The following ITSN2 variants were observed in gnomAD, a reference collection of about 807,000 sequenced individuals.
ITSN2 encodes the protein intersectin-2.
ITSN2 carries 156 observed loss-of-function variants against 243.7 expected under a neutral mutation model. That is an observed-to-expected ratio of 0.64 (90% CI 0.56 to 0.73). The LOEUF is 0.73. ITSN2 is among the 30% of genes least tolerant of loss of function. ITSN2 has a pLI of 0.00. For synonymous variants in ITSN2, 703 were observed against 699.9 expected (o/e 1.00, Z -0.07); for missense variants, 1,801 against 1,996.1 (o/e 0.90, Z 1.86).
chr2:24,305,945 T>C (rs991562348), intron 8 of ITSN2, among the ~76,000 whole-genome samples: 5 of 152,176 alleles, frequency 3.3e-5, no homozygotes, highest in Non-Finnish European at 5.9e-5. Context: ...GTTACAGTAC[T>C]TATACAAAGC....
In ITSN2 at chr2:24,205,219, G is replaced by A. The variant is rs1039290270; in HGVS notation, c.4757C>T (p.Pro1586Leu). ...TGAATCAAGGCAGTATTTACCATTT[G>A]GTTTGCAGGCTTTTAATTCTGTAGC... ...IEATELKACK[P>L]NGKSNPYCEI... Residue 1586 changes from proline (P) to leucine (L), a missense_variant, in exon 38 of 40, where the codon CCA becomes CTA. Physicochemically the swap from Pro to Leu is moderately conservative, Grantham distance 98. Coordinates refer to ENST00000355123, the MANE Select transcript of ITSN2 (RefSeq NM_006277.3). 1 of 1,613,364 alleles carries A rather than the reference G, an allele frequency of 6.2e-7. No individual in the cohort carries two copies. Among genetic ancestry groups the A allele is most frequent in the Non-Finnish European group, 8.5e-7 (1 of 1,179,398 alleles).
intron 23 of ITSN2, among the ~76,000 whole-genome samples, chr2:24,256,308 G>A (rs1675047027): frequency 6.6e-6 from 1 of 152,222 alleles, no homozygotes; most frequent in African/African-American, 2.4e-5. Flanking sequence ...CAGAAACACA[G>A]AAACTCAGCA....
At chr2:24,353,689 C>T (rs1174148425) in intron 1 of ITSN2, among the ~76,000 whole-genome samples, 1 of 152,176 alleles carries the variant, frequency 6.6e-6, no homozygotes, top group Non-Finnish European at 1.5e-5. Flanking sequence ...GTATTGGTAT[C>T]ACTCTTCAGA....
chr2:24,264,566 T>C (rs779325379), intron 20 of ITSN2, among the ~76,000 whole-genome samples: 9 of 148,662 alleles, frequency 6.1e-5, no homozygotes, highest in Non-Finnish European at 1.0e-4. Context: ...AATCTGTGTA[T>C]ATGTTGCAAG....
chr2:24,277,145 T>C (rs908119771), intron 17 of ITSN2, among the ~76,000 whole-genome samples: 3 of 151,648 alleles, frequency 2.0e-5, no homozygotes, highest in African/African-American at 7.3e-5. Flanking sequence ...ATTTGGAATC[T>C]ACAGAATCCT....
At chr2:24,219,137 T>G (rs899125648) in intron 30 of ITSN2, among the ~76,000 whole-genome samples, 3 of 152,220 alleles carry the variant, frequency 2.0e-5, no homozygotes, top group African/African-American at 7.2e-5. Context: ...AAAACATAAC[T>G]GGGAAAGTTC....
chr2:24,308,693 T>C lies in ITSN2; in HGVS notation c.717A>G (p.Ala239=). The change falls in exon 8 of 40, where the codon GCA becomes GCG. Residue 239 remains alanine, a synonymous_variant. Transcript: ENST00000355123. ...ATTTTAATCTTGTAGGCTGAGGAAC[T>C]GCCCACTCTGAGGTCCCAGTCTTGG... is the stretch of plus-strand genomic sequence containing the variant. The part of the protein sequence containing the change: ...NSPKTGTSEW[A]VPQPTRLKYR... 1 of 1,532,248 alleles carries C rather than the reference T, an allele frequency of 6.5e-7. No individual in the cohort carries two copies. Among genetic ancestry groups the C allele is most frequent in the Non-Finnish European group, 8.8e-7 (1 of 1,132,040 alleles). The allele number at this position is 1,532,248 out of a possible 1,614,324, so 94.9% of individuals were successfully genotyped here. A position where few individuals can be genotyped will look rare whatever the true frequency, so the allele number is the denominator to read the frequency against.
chr2:24,313,815 A>T (rs111676407), intron 3 of ITSN2, among the ~76,000 whole-genome samples: 2 of 152,320 alleles, frequency 1.3e-5, no homozygotes, highest in African/African-American at 4.8e-5. Context: ...CACTTAGTAA[A>T]ATTTATATTT....
Position 24,211,038 on chromosome 2 carries a change from TA to T in ITSN2, c.4090-92del. On this transcript the variant is annotated intron_variant, in intron 33 of 39. Coordinates refer to ENST00000355123, the MANE Select transcript of ITSN2 (RefSeq NM_006277.3). This position sits in a 1 kb window ranked among gnomAD's most constrained non-coding sequence, Gnocchi z 4.1. ...CAGGACCGCTCCTCCAACCCCATGT[TA>T]TGGACTGCTTCCATGCCCTGGAAAC... The T allele has an allele frequency of 8.0e-7, 1 of 1,249,466 alleles. No individual in the cohort carries two copies. The highest frequency in any genetic ancestry group is 1.3e-5 in the South Asian group (1 of 75,020). The allele number at this position is 1,249,466 out of a possible 1,614,324, so 77.4% of individuals were successfully genotyped here.
chr2:24,233,577 T>C (rs766615516), intron 29 of ITSN2, among the ~76,000 whole-genome samples: 2 of 152,228 alleles, frequency 1.3e-5, no homozygotes, highest in African/African-American at 2.4e-5. Context: ...AAGTCAGATC[T>C]GGACTTGAGT....
intron 2 of ITSN2, among the ~76,000 whole-genome samples, chr2:24,324,060 A>G (rs1206563280): frequency 1.3e-5 from 2 of 152,036 alleles, no homozygotes; most frequent in South Asian, 2.1e-4. Flanking sequence ...GTGAAACCCC[A>G]TCTCTACTAA....
intron 14 of ITSN2, among the ~76,000 whole-genome samples, chr2:24,294,506 C>G (rs1159075673): frequency 2.0e-5 from 3 of 152,042 alleles, no homozygotes; most frequent in Admixed American, 2.0e-4. Context: ...TGTAACAAAG[C>G]AAAAAGACTG....
chr2:24,259,691 A>C (rs1193322478), intron 22 of ITSN2, among the ~76,000 whole-genome samples: 1 of 152,160 alleles, frequency 6.6e-6, no homozygotes, highest in Non-Finnish European at 1.5e-5. Context: ...CTTTCATGGG[A>C]ATAACTTTCC....
chr2:24,224,037 A>G (rs1179347918), intron 29 of ITSN2, among the ~76,000 whole-genome samples: 3 of 142,008 alleles, frequency 2.1e-5, no homozygotes, highest in Non-Finnish European at 4.6e-5. Flanking sequence ...GGCTAATCCA[A>G]ATGTCTGCTT....
rs192431721 is a variant in ITSN2 at position 24,280,240 on chromosome 2, G to A, written c.1945-4391C>T. Reference sequence around the variant, plus strand: ...TCACTACAAGTAGCCTAAAGGAGTGGTGGTTAACCCCGGTGCTCTACTATC... The same window carrying A: ...TCACTACAAGTAGCCTAAAGGAGTGATGGTTAACCCCGGTGCTCTACTATC... On this transcript the variant is annotated intron_variant, in intron 17 of 39. Coordinates refer to ENST00000355123, the MANE Select transcript of ITSN2 (RefSeq NM_006277.3). 3.9e-5 allele frequency among the ~76,000 whole-genome samples: 6 copies of A among 152,210 alleles called. No individual in the cohort carries two copies. The East Asian group carries it at 1.2e-3, about 29-fold the overall frequency.
chr2:24,209,452 G>A (rs1425156390), intron 35 of ITSN2, among the ~76,000 whole-genome samples: 1 of 152,212 alleles, frequency 6.6e-6, no homozygotes, highest in Non-Finnish European at 1.5e-5. Context: ...GGACTGGGTG[G>A]GGACAGGAGC....
intron 24 of ITSN2, among the ~76,000 whole-genome samples, chr2:24,253,881 C>A (rs1574026715): frequency 6.6e-6 from 1 of 152,088 alleles, no homozygotes; most frequent in African/African-American, 2.4e-5. Context: ...GGTAATCTTT[C>A]ATTTTTCAAC....
At chr2:24,216,425 T>C (rs1171420803) in intron 31 of ITSN2, 193 bp from the exon 32 acceptor site, 1 of 441,780 alleles carries the variant, frequency 2.3e-6, no homozygotes. Context: ...AACCGGGGTG[T>C]GATGTCAGCA....
At chr2:24,231,990 C>T (rs1671670707) in intron 29 of ITSN2, among the ~76,000 whole-genome samples, 1 of 152,182 alleles carries the variant, frequency 6.6e-6, no homozygotes, top group African/African-American at 2.4e-5. Context: ...GAAGTTTTAT[C>T]AGGACACTAG....
Sources: gnomAD v4.1 joint callset for allele counts (sites outside exome capture counted in the v4.1 genomes callset) on GRCh38, gnomAD v4.1.1 for gene constraint, Gnocchi (gnomAD v3.1) non-coding constraint, MANE v1.5 for transcripts, NCBI Gene and HGNC (gene_info 2026-07-23, HGNC 2026-07-21) for gene names.